The following UBR3 variants were observed in gnomAD, a reference collection of about 807,000 sequenced individuals.
The protein encoded by UBR3 is ubiquitin protein ligase E3 component n-recognin 3.
A neutral mutation model predicts 243.2 loss-of-function variants in UBR3; 85 were observed. The observed-to-expected ratio is 0.35, with a 90% CI of 0.29 to 0.42. The LOEUF (loss-of-function observed/expected upper bound fraction) is 0.42, where lower values mean the gene tolerates loss of function less well. UBR3 is among the 10% of genes least tolerant of loss of function. UBR3 has a pLI of 1.00. For missense variants in UBR3, 1,686 were observed against 2,300.8 expected, an observed-to-expected ratio of 0.73 and a Z score of 5.47; for synonymous variants, 748 against 799.8, an observed-to-expected ratio of 0.94 and a Z score of 1.09.
At chr2:169,855,995 T>TG (rs1036888328) in intron 1 of UBR3, among the ~76,000 whole-genome samples, 15 of 140,534 alleles carry the variant, frequency 1.1e-4, no homozygotes, top group Non-Finnish European at 1.7e-4. Flanking sequence ...ACCTCCCAGA[T>TG]GGGGGGGCTG....
chr2:169,876,724 A>G (rs920768170), intron 3 of UBR3, among the ~76,000 whole-genome samples: 9 of 151,870 alleles, frequency 5.9e-5, no homozygotes, highest in Admixed American at 3.3e-4. Flanking sequence ...TGCCCAGCTA[A>G]TTTTAATTTT....
intron 25 of UBR3, among the ~76,000 whole-genome samples, chr2:169,988,744 G>A (rs565432490): frequency 3.9e-5 from 6 of 152,286 alleles, no homozygotes; most frequent in African/African-American, 1.4e-4. Context: ...CGAGGTTGCA[G>A]TGAGCTGAGA....
chr2:169,843,823 C>T (rs1181820506), intron 1 of UBR3, among the ~76,000 whole-genome samples: 2 of 152,122 alleles, frequency 1.3e-5, no homozygotes, highest in Non-Finnish European at 2.9e-5. Context: ...TTGGGAAGGG[C>T]ACCCTCCTCT....
At position 169,925,599 on chromosome 2, in the gene UBR3, G is replaced by T; in HGVS notation, c.2023-20G>T. On this transcript the variant is annotated intron_variant, in intron 13 of 38. Transcript: ENST00000272793. ...ATTGCATTTAGATAATTTATTCTTTGTCCAATTTACTTTTATTAGGCAAGT... is the reference window on the plus strand; with the variant it reads ...ATTGCATTTAGATAATTTATTCTTTTTCCAATTTACTTTTATTAGGCAAGT... The T allele has an allele frequency of 6.5e-7, 1 of 1,529,542 alleles. No individual in the cohort carries two copies. Among genetic ancestry groups the T allele is most frequent in the Non-Finnish European group, 8.8e-7 (1 of 1,138,316 alleles). The allele number at this position is 1,529,542 out of a possible 1,614,324, so 94.7% of individuals were successfully genotyped here.
At chr2:170,063,405 C>G (rs1263364627) in intron 35 of UBR3, among the ~76,000 whole-genome samples, 4 of 152,092 alleles carry the variant, frequency 2.6e-5, no homozygotes, top group African/African-American at 9.7e-5. Context: ...AAAGTGAGAT[C>G]AGAGCTTTAG....
chr2:170,050,763 T>C (rs1054974019), intron 32 of UBR3, among the ~76,000 whole-genome samples: 1 of 152,232 alleles, frequency 6.6e-6, no homozygotes, highest in Admixed American at 6.5e-5. Context: ...TCCTTGTTTC[T>C]TGTAGGTCCC....
Position 169,985,516 on chromosome 2 carries a change from C to T in UBR3, c.3635-1129C>T, listed in dbSNP as rs1047267444. Among the ~76,000 whole-genome samples the T allele has an allele frequency of 1.1e-4, 16 of 152,268 alleles. 1 individual carries two copies. Among genetic ancestry groups the T allele is most frequent in the African/African-American group, 2.9e-4 (12 of 41,528 alleles). On this transcript the variant is annotated intron_variant, in intron 24 of 38. Transcript: ENST00000272793. ...AAAGTGCTGGGATTATAGGCATGAG[C>T]CACCATGCCCGGCCTCATATCAACT...
At position 170,083,339 on chromosome 2, in the gene UBR3, A is replaced by C. The variant is rs1409241499; in HGVS notation, c.*1496A>C. 1.3e-5 allele frequency: 2 copies of C among 152,616 alleles called. No homozygotes were observed. The highest frequency in any genetic ancestry group is 3.8e-4 in the East Asian group (2 of 5,196). 9.5% of individuals were successfully genotyped at this position (152,616 alleles called of 1,614,324 possible). A position where few individuals can be genotyped will look rare whatever the true frequency, so the allele number is the denominator to read the frequency against. On this transcript the variant is annotated 3_prime_UTR_variant, in exon 39 of 39. Coordinates refer to ENST00000272793, the MANE Select transcript of UBR3 (RefSeq NM_172070.4). ...GTCAAAAGATTACCTATCGTTCTAC[A>C]ATAAAATACATGGAAATAGCTTGCT...
At chr2:169,924,027 T>G in intron 12 of UBR3, 33 bp downstream of exon 12, 1 of 1,525,938 alleles carries the variant, frequency 6.6e-7, no homozygotes, top group Non-Finnish European at 8.8e-7. Context: ...CTGTTCTTTT[T>G]TTTTTAATTT....
rs772423190 is a variant in UBR3 at position 169,926,702 on chromosome 2, C to T, written c.2162C>T (p.Ser721Phe). ...TGTTTTCTTTTAAAGGTTTGTGCTTCTAGACTTGACCCAGATTATTTTATT... is the reference window on the plus strand; with the variant it reads ...TGTTTTCTTTTAAAGGTTTGTGCTTTTAGACTTGACCCAGATTATTTTATT... ...PDIYLLQVCA[S>F]RLDPDYFISS... The change falls in exon 15 of 39, where the codon TCT becomes TTT. Residue 721 changes from serine to phenylalanine, a missense_variant. Physicochemically the swap from Ser to Phe is radical, Grantham distance 155. This residue lies in a region of UBR3 where 346 missense variants were observed against 585.8 expected (regional missense o/e 0.59). Transcript: ENST00000272793. 2 of 1,549,306 alleles carry T rather than the reference C, an allele frequency of 1.3e-6. No homozygotes were observed. Among genetic ancestry groups the T allele is most frequent in the South Asian group, 2.4e-5 (2 of 83,006 alleles).
chr2:169,952,483 T>G (rs1191767683), intron 23 of UBR3, among the ~76,000 whole-genome samples: 3 of 152,084 alleles, frequency 2.0e-5, no homozygotes, highest in Non-Finnish European at 4.4e-5. Context: ...GATCACAAGG[T>G]CAGGAGATCA....
chr2:169,954,083 A>G (rs1356675974), intron 23 of UBR3, among the ~76,000 whole-genome samples: 1 of 152,132 alleles, frequency 6.6e-6, no homozygotes, highest in East Asian at 1.9e-4. Flanking sequence ...TGTACCCTCA[A>G]CTATCAGAAT....
intron 31 of UBR3, among the ~76,000 whole-genome samples, chr2:170,031,287 G>C (rs1470082461): frequency 6.6e-6 from 1 of 152,006 alleles, no homozygotes; most frequent in Non-Finnish European, 1.5e-5. Flanking sequence ...ATGGGTATTA[G>C]TCCTTTTTGT....
Position 170,078,369 on chromosome 2 carries a change from A to G in UBR3, c.5200-1445A>G, listed in dbSNP as rs539059053. On this transcript the variant is annotated intron_variant, in intron 36 of 38. Coordinates refer to ENST00000272793, the MANE Select transcript of UBR3 (RefSeq NM_172070.4). ...TCAGAGACCCACGAGTGAACTCCACACAGGCCGCAACAGGAAAGGCAAGAC... is the reference window on the plus strand; with the variant it reads ...TCAGAGACCCACGAGTGAACTCCACGCAGGCCGCAACAGGAAAGGCAAGAC... 2.5e-5 allele frequency: 6 copies of G among 243,652 alleles called. No homozygotes were observed. The South Asian group carries it at 3.0e-4, about 12-fold the overall frequency. 15.1% of individuals were successfully genotyped at this position (243,652 alleles called of 1,614,324 possible).
At chr2:170,004,988 C>T (rs2089858812) in intron 27 of UBR3, among the ~76,000 whole-genome samples, 2 of 152,172 alleles carry the variant, frequency 1.3e-5, no homozygotes, top group South Asian at 4.1e-4. Context: ...CTTTGGGAGG[C>T]CGAGGCGGAT....
chr2:170,064,418 TAAA>T (rs886532060), intron 35 of UBR3, among the ~76,000 whole-genome samples: 12 of 151,470 alleles, frequency 7.9e-5, no homozygotes. Context: ...AATTAAAAAT[TAAA>T]AAAAAATCCT....
chr2:169,919,649 G>A (rs2085610709), intron 11 of UBR3, among the ~76,000 whole-genome samples: 1 of 152,128 alleles, frequency 6.6e-6, no homozygotes, highest in African/African-American at 2.4e-5. Flanking sequence ...AGTGGGCAAA[G>A]GATATGAACA....
At position 169,992,824 on chromosome 2, in the gene UBR3, G is replaced by A. The variant is rs567166764; in HGVS notation, c.3785-1499G>A. Among the ~76,000 whole-genome samples, 407 of 152,230 alleles carry A rather than the reference G, an allele frequency of 2.7e-3. 2 individuals are homozygous for A. The highest frequency in any genetic ancestry group is 1.6e-3 in the Non-Finnish European group (108 of 68,000). ...TGCTCAGGCTAGAGTGCAGTGGCAC[G>A]ATCTCAGCTCACTGCAACCCCAGCC... On this transcript the variant is annotated intron_variant, in intron 25 of 38. Transcript: ENST00000272793.
chr2:170,044,583 T>C (rs2091039807), intron 32 of UBR3, among the ~76,000 whole-genome samples: 1 of 152,204 alleles, frequency 6.6e-6, no homozygotes, highest in Admixed American at 6.5e-5. Context: ...TTTAGTTCTT[T>C]ATGTACAAGG....
Sources: gnomAD v4.1 joint callset for allele counts (sites outside exome capture counted in the v4.1 genomes callset) on GRCh38, gnomAD v4.1.1 for gene constraint, gnomAD v4.1.1 regional missense constraint, MANE v1.5 for transcripts, NCBI Gene and HGNC (gene_info 2026-07-23, HGNC 2026-07-21) for gene names.